Variants in PPP1R9A observed in about 807,000 individuals in gnomAD.
The protein encoded by PPP1R9A is protein phosphatase 1 regulatory subunit 9A.
Under a neutral mutation model 141.9 loss-of-function variants are expected in PPP1R9A, and 59 were observed. That is an observed-to-expected ratio of 0.42 (90% CI 0.34 to 0.52). PPP1R9A has a LOEUF of 0.52. Among genes scored for constraint, PPP1R9A ranks in the 20% least tolerant of loss-of-function variants. The probability of loss-of-function intolerance (pLI) is 0.10; values close to 1 mark genes in which losing one functional copy is unlikely to be tolerated. For missense variants in PPP1R9A, 1,444 were observed against 1,611.9 expected (o/e 0.90, Z 1.78); for synonymous variants, 500 against 569.7 (o/e 0.88, Z 1.74).
intron 5 of PPP1R9A, among the ~76,000 whole-genome samples, chr7:95,175,865 A>G (rs1467600126): frequency 6.6e-6 from 1 of 152,172 alleles, no homozygotes; most frequent in African/African-American, 2.4e-5. Context: ...ACAATAGAAA[A>G]TAATTAATCT....
chr7:95,117,064 C>T (rs1821649720), intron 3 of PPP1R9A, among the ~76,000 whole-genome samples: 1 of 152,104 alleles, frequency 6.6e-6, no homozygotes, highest in Non-Finnish European at 1.5e-5. Flanking sequence ...TAAATGACTG[C>T]ATATATCATC....
chr7:95,231,137 C>T (rs1470745536), intron 8 of PPP1R9A, among the ~76,000 whole-genome samples: 3 of 151,876 alleles, frequency 2.0e-5, no homozygotes, highest in Non-Finnish European at 2.9e-5. Context: ...AAAGCAACAG[C>T]AGTTAAAAAA....
At chr7:95,245,413 T>C (rs2222723) in intron 8 of PPP1R9A, among the ~76,000 whole-genome samples, 10,824 of 152,184 alleles carry the variant, frequency 0.071, 924 homozygotes, top group African/African-American at 0.2. Flanking sequence ...TAATGGTGAT[T>C]CACTGTGAGG....
At chr7:95,000,311 A>G (rs892997825) in intron 2 of PPP1R9A, among the ~76,000 whole-genome samples, 1 of 152,214 alleles carries the variant, frequency 6.6e-6, no homozygotes, top group Admixed American at 6.5e-5. Context: ...CAGGCCTAAC[A>G]GATCTCAAGA....
rs1204478241 is a variant in PPP1R9A, at chr7:95,292,016, C to G, written c.*1713C>G. ...CCAAGGCCTGTTTTCTTTTCATTGC[C>G]AGAGTATTGTCGGTTATGCGTCAGC... On this transcript the variant is annotated 3_prime_UTR_variant, in exon 20 of 20. Coordinates refer to ENST00000433360, the MANE Select transcript of PPP1R9A (RefSeq NM_001166160.2). The G allele has an allele frequency of 6.6e-6, 1 of 152,054 alleles. No individual in the cohort carries two copies. Among genetic ancestry groups the G allele is most frequent in the African/African-American group, 2.4e-5 (1 of 41,398 alleles). The allele number at this position is 152,054 out of a possible 1,614,324, so 9.4% of individuals were successfully genotyped here. A position where few individuals can be genotyped will look rare whatever the true frequency, so the allele number is the denominator to read the frequency against.
intron 2 of PPP1R9A, among the ~76,000 whole-genome samples, chr7:95,107,430 ACTT>A (rs1294495656): frequency 6.6e-6 from 1 of 152,096 alleles, no homozygotes; most frequent in Non-Finnish European, 1.5e-5. Context: ...TTCCTTTAGA[ACTT>A]CTAGGATCTG....
intron 7 of PPP1R9A, among the ~76,000 whole-genome samples, chr7:95,218,040 C>G (rs1793769414): frequency 6.6e-6 from 1 of 152,106 alleles, no homozygotes; most frequent in Non-Finnish European, 1.5e-5. Flanking sequence ...TCTTGCTTCT[C>G]TAGTTCTTTT....
At chr7:95,121,301 G>T (rs1281288313) in intron 4 of PPP1R9A, among the ~76,000 whole-genome samples, 1 of 152,180 alleles carries the variant, frequency 6.6e-6, no homozygotes, top group African/African-American at 2.4e-5. Flanking sequence ...TAAAAACACA[G>T]GTTCTTGGGT....
chr7:94,992,802 T>C (rs1801683495), intron 2 of PPP1R9A, among the ~76,000 whole-genome samples: 1 of 152,170 alleles, frequency 6.6e-6, no homozygotes, highest in African/African-American at 2.4e-5. Context: ...AAATATTTTC[T>C]GATTTTTTAA....
chr7:95,055,950 G>A (rs1288787839), intron 2 of PPP1R9A, among the ~76,000 whole-genome samples: 1 of 152,064 alleles, frequency 6.6e-6, no homozygotes, highest in East Asian at 1.9e-4. Context: ...AATCAATACA[G>A]AGCAACCCCA....
At chr7:95,266,887 A>G (rs1206997273) in intron 12 of PPP1R9A, among the ~76,000 whole-genome samples, 1 of 152,146 alleles carries the variant, frequency 6.6e-6, no homozygotes, top group Non-Finnish European at 1.5e-5. Flanking sequence ...GCAGCTACAA[A>G]TATAGATTTT....
At chr7:95,268,841 T>C in intron 13 of PPP1R9A, 134 bp downstream of exon 13, 1 of 1,036,354 alleles carries the variant, frequency 9.6e-7, no homozygotes, top group Non-Finnish European at 1.4e-6. Flanking sequence ...AGTTCACGTC[T>C]TTGTCTCCTG....
intron 8 of PPP1R9A, among the ~76,000 whole-genome samples, chr7:95,239,617 TTAAC>T (rs1276260258): frequency 6.6e-6 from 1 of 152,062 alleles, no homozygotes; most frequent in Non-Finnish European, 1.5e-5. Context: ...ACAAGAAAAT[TTAAC>T]CAATTTAAGT....
At chr7:95,078,853 T>G (rs564161357) in intron 2 of PPP1R9A, among the ~76,000 whole-genome samples, 105 of 152,106 alleles carry the variant, frequency 6.9e-4, no homozygotes, top group African/African-American at 2.4e-3. Flanking sequence ...TAAATTTGTT[T>G]GAGTTCATTG....
At chr7:95,055,782 G>T (rs1386231494) in intron 2 of PPP1R9A, among the ~76,000 whole-genome samples, 2 of 151,904 alleles carry the variant, frequency 1.3e-5, no homozygotes, top group African/African-American at 4.8e-5. Context: ...TTGTACTCTA[G>T]GAAGCGTTTC....
At chr7:95,122,046 AT>A (rs1563267924) in intron 4 of PPP1R9A, among the ~76,000 whole-genome samples, 1 of 152,080 alleles carries the variant, frequency 6.6e-6, no homozygotes, top group Non-Finnish European at 1.5e-5. Flanking sequence ...ATAGCTTTAA[AT>A]TTTTTTATGT....
rs1477355429 is a variant in PPP1R9A at position 95,225,967 on chromosome 7, G to C, written c.1963G>C (p.Glu655Gln). 6.2e-7 allele frequency: 1 copy of C among 1,604,658 alleles called. No individual in the cohort carries two copies. The highest frequency in any genetic ancestry group is 1.7e-5 in the Admixed American group (1 of 59,854). The change falls in exon 8 of 20, where the codon GAA becomes CAA. Residue 655 changes from glutamate to glutamine, a missense_variant. Physicochemically the swap from Glu to Gln is conservative, Grantham distance 29 (BLOSUM62 2). Coordinates refer to ENST00000433360, the MANE Select transcript of PPP1R9A (RefSeq NM_001166160.2). Reference protein sequence around the residue: ...NNNNYFLKTGEYATDEEEDEV... With the variant: ...NNNNYFLKTGQYATDEEEDEV... ...GAAATCCCCTTCCTTTCAGACAGGA[G>C]AATATGCCACAGATGAAGAAGAAGA...
intron 8 of PPP1R9A, among the ~76,000 whole-genome samples, chr7:95,244,674 T>C (rs1797880664): frequency 6.6e-6 from 1 of 152,214 alleles, no homozygotes; most frequent in African/African-American, 2.4e-5. Flanking sequence ...CTTGTTTCTC[T>C]TTAAATTGAA....
chr7:95,168,207 A>G (rs190699950), intron 5 of PPP1R9A, among the ~76,000 whole-genome samples: 1 of 152,262 alleles, frequency 6.6e-6, no homozygotes, highest in East Asian at 1.9e-4. Context: ...ACAGACCAAT[A>G]AAACAGAATG....
Sources: allele counts gnomAD v4.1 joint callset (sites outside exome capture counted in the v4.1 genomes callset), GRCh38; gene constraint gnomAD v4.1.1; transcripts MANE v1.5; gene names NCBI Gene and HGNC (gene_info 2026-07-23, HGNC 2026-07-21).